Variants in TNRC18 observed in about 807,000 individuals in gnomAD.
The protein encoded by TNRC18 is trinucleotide repeat containing 18, also known as trinucleotide repeat-containing gene 18 protein.
Under a neutral mutation model 226.7 loss-of-function variants are expected in TNRC18, and 69 were observed. That is an observed-to-expected ratio of 0.30 (90% CI 0.25 to 0.37). The LOEUF (loss-of-function observed/expected upper bound fraction) is 0.37, where lower values mean the gene tolerates loss of function less well. TNRC18 is among the 10% of genes least tolerant of loss of function. The pLI is 1.00. For synonymous variants in TNRC18, 2,449 were observed against 1,927.6 expected (o/e 1.27, Z -7.09); for missense variants, 4,754 against 4,256.6 (o/e 1.12, Z -3.25).
chr7:5,318,615 C>T (rs1189417416), intron 24 of TNRC18, among the ~76,000 whole-genome samples: 2 of 152,072 alleles, frequency 1.3e-5, no homozygotes, highest in African/African-American at 4.8e-5. Context: ...CACACACACA[C>T]ACACACGGAA....
intron 25 of TNRC18, among the ~76,000 whole-genome samples, chr7:5,315,577 C>A (rs1443473244): frequency 6.6e-6 from 1 of 152,140 alleles, no homozygotes; most frequent in Non-Finnish European, 1.5e-5. Context: ...GCGCATGTCA[C>A]CACGCCCGGC....
rs777523690 is a variant in TNRC18 at position 5,376,998 on chromosome 7, G to A, written c.2462-5C>T. The A allele has an allele frequency of 8.9e-6, 14 of 1,573,828 alleles. No homozygotes were observed. The highest frequency in any genetic ancestry group is 1.1e-5 in the Non-Finnish European group (13 of 1,160,214). Reference sequence around the variant, plus strand: ...GCAGAGATGGGGGACCCAAGCCTAGGAGGAGAAGCCCAGGCCTGAGTCAGT... The same window carrying A: ...GCAGAGATGGGGGACCCAAGCCTAGAAGGAGAAGCCCAGGCCTGAGTCAGT... On this transcript the variant is annotated splice_region_variant and splice_polypyrimidine_tract_variant and intron_variant, in intron 7 of 29. Transcript: ENST00000430969.
intron 8 of TNRC18, 63 bp downstream of exon 8, chr7:5,376,782 TCA>T: frequency 6.4e-7 from 1 of 1,565,424 alleles, no homozygotes; most frequent in South Asian, 1.2e-5. Context: ...GCCCTTGGCA[TCA>T]GAGACCATCT....
In TNRC18 at chr7:5,420,878, A is replaced by G. The variant is rs1214548534; in HGVS notation, c.187+182T>C. The G allele has an allele frequency of 7.7e-6, 6 of 775,366 alleles. No homozygotes were observed. In the Admixed American group the frequency reaches 1.3e-4, roughly 16 times the overall value. 48.0% of individuals were successfully genotyped at this position (775,366 alleles called of 1,614,324 possible). On this transcript the variant is annotated intron_variant, in intron 2 of 29. Coordinates refer to ENST00000430969, the MANE Select transcript of TNRC18 (RefSeq NM_001080495.3). ...GGAAAAGGTAGCCGAGCCGCGCGAC[A>G]CTCTCCACCGCCTTGGCTCCGGGAC...
At position 5,370,955 on chromosome 7, in the gene TNRC18, G is replaced by A. The variant is rs541700079; in HGVS notation, c.3639C>T (p.Cys1213=). 2.9e-5 allele frequency: 47 copies of A among 1,605,286 alleles called. No individual in the cohort carries two copies. The highest frequency in any genetic ancestry group is 3.2e-5 in the Non-Finnish European group (38 of 1,179,738). Residue 1213 remains cysteine (C), a synonymous_variant, in exon 11 of 30, where the codon TGC becomes TGT. Transcript: ENST00000430969. The stretch of plus-strand genomic sequence containing the variant: ...AGTCTGGACACTCAGAGGGCTCTGC[G>A]CAGCTCTGCCCGGTGGCACTCAGCG... The part of the protein sequence containing the change: ...AQALSATGQS[C]AEPSECPDFV...
At position 5,359,507 on chromosome 7, in the gene TNRC18, C is replaced by T. The variant is rs776709922; in HGVS notation, c.4724G>A (p.Arg1575Lys). ...ATGTTCCTCCTCAGACCCCTTGTGT[C>T]TCTTTCTTATCCCTGCTCCCAGCTC... ...DYELGAGIRK[R>K]HKGSEEEHDA... The change falls in exon 15 of 30, where the codon AGA (arginine) becomes AAA (lysine). Residue 1575 changes from arginine to lysine, a missense_variant. Transcript: ENST00000430969. 3.1e-6 allele frequency: 5 copies of T among 1,614,030 alleles called. No individual in the cohort carries two copies. Among genetic ancestry groups the T allele is most frequent in the Admixed American group, 3.3e-5 (2 of 60,020 alleles).
chr7:5,331,236 A>G (rs890493714), intron 19 of TNRC18, among the ~76,000 whole-genome samples: 2 of 152,184 alleles, frequency 1.3e-5, no homozygotes, highest in Non-Finnish European at 2.9e-5. Flanking sequence ...GTATTTTGAC[A>G]GAATACCGTC....
intron 19 of TNRC18, chr7:5,329,913 C>A: frequency 2.1e-6 from 1 of 470,996 alleles, no homozygotes. Flanking sequence ...GCTATTATAT[C>A]CAGCTATAAT....
intron 1 of TNRC18, among the ~76,000 whole-genome samples, chr7:5,421,976 T>G (rs1176060169): frequency 6.6e-6 from 1 of 152,200 alleles, no homozygotes; most frequent in Non-Finnish European, 1.5e-5. Flanking sequence ...CTCGCCTCCC[T>G]TTTCCGAGTT....
intron 26 of TNRC18, among the ~76,000 whole-genome samples, chr7:5,314,524 G>A (rs1439907667): frequency 6.7e-6 from 1 of 150,300 alleles, no homozygotes; most frequent in Non-Finnish European, 1.5e-5. Flanking sequence ...TCTGTCACCT[G>A]GTCAGAACGG....
intron 18 of TNRC18, among the ~76,000 whole-genome samples, chr7:5,342,002 C>T (rs1790733424): frequency 6.6e-6 from 1 of 152,132 alleles, no homozygotes; most frequent in South Asian, 2.1e-4. Flanking sequence ...TTCTGCAGCC[C>T]ATAGATGAAG....
At chr7:5,342,798 G>T (rs1282732705) in intron 18 of TNRC18, among the ~76,000 whole-genome samples, 1 of 152,150 alleles carries the variant, frequency 6.6e-6, no homozygotes, top group South Asian at 2.1e-4. Context: ...TAGGTAAAAC[G>T]CTATCACAGT....
intron 18 of TNRC18, 42 bp downstream of exon 18, chr7:5,345,517 GCCC>G: frequency 5.3e-5 from 20 of 377,736 alleles, no homozygotes; most frequent in South Asian, 2.6e-4. Flanking sequence ...AATGGCGTCC[GCCC>G]CTCCCACCCA....
chr7:5,404,315 G>A (rs1357534092), intron 2 of TNRC18, among the ~76,000 whole-genome samples: 1 of 151,954 alleles, frequency 6.6e-6, no homozygotes, highest in Non-Finnish European at 1.5e-5. Flanking sequence ...AGGTTGCAGT[G>A]AGCCGAGATC....
Position 5,394,873 on chromosome 7 carries a change from CGGA to C in TNRC18, c.188-281_188-279del, listed in dbSNP as rs1780561970. ...CTCAGCCCTGGGCACCCCGCACCCT[CGGA>C]GGAGGGCCTTCCACCCCTGCCGCCC... On this transcript the variant is annotated intron_variant, in intron 2 of 29. Coordinates refer to ENST00000430969, the MANE Select transcript of TNRC18 (RefSeq NM_001080495.3). The surrounding 1 kb of genome is among the most constrained non-coding windows in gnomAD (Gnocchi z 4.5). 6.6e-6 allele frequency among the ~76,000 whole-genome samples: 1 copy of C among 152,168 alleles called. No homozygotes were observed. The highest frequency in any genetic ancestry group is 2.4e-5 in the African/African-American group (1 of 41,452).
chr7:5,314,170 C>T (rs1787605761), intron 26 of TNRC18, among the ~76,000 whole-genome samples: 1 of 151,666 alleles, frequency 6.6e-6, no homozygotes, highest in African/African-American at 2.4e-5. Flanking sequence ...TACAGTTTTG[C>T]TCCGTTGCCC....
chr7:5,404,467 T>C (rs1305109814), intron 2 of TNRC18, among the ~76,000 whole-genome samples: 3 of 152,178 alleles, frequency 2.0e-5, no homozygotes, highest in Non-Finnish European at 2.9e-5. Flanking sequence ...CAAAGAAGTA[T>C]TGAAACAGTG....
At chr7:5,410,077 G>A (rs1781743957) in intron 2 of TNRC18, among the ~76,000 whole-genome samples, 1 of 151,644 alleles carries the variant, frequency 6.6e-6, no homozygotes, top group African/African-American at 2.4e-5. Flanking sequence ...TTGGAAGGCT[G>A]AAGCGGGCAG....
chr7:5,398,256 C>A (rs56215700), intron 2 of TNRC18, among the ~76,000 whole-genome samples: 26 of 152,064 alleles, frequency 1.7e-4, no homozygotes, highest in Non-Finnish European at 2.9e-4. Flanking sequence ...CCGCACCTTC[C>A]GCCACCCGGG....
Sources: allele counts gnomAD v4.1 joint callset (sites outside exome capture counted in the v4.1 genomes callset), GRCh38; gene constraint gnomAD v4.1.1; non-coding constraint Gnocchi (gnomAD v3.1); transcripts MANE v1.5; gene names NCBI Gene and HGNC (gene_info 2026-07-23, HGNC 2026-07-21).